The following CADPS2 variants were observed in gnomAD, a reference collection of about 807,000 sequenced individuals.
CADPS2 encodes the protein calcium dependent secretion activator 2.
In CADPS2, 93 loss-of-function variants were observed where a neutral mutation model predicts 172.5. That is an observed-to-expected ratio of 0.54 (90% confidence interval 0.46 to 0.64). The LOEUF is 0.64. CADPS2 is among the 30% of genes least tolerant of loss of function. CADPS2 has a pLI of 0.00. For missense variants in CADPS2, 1,420 were observed against 1,565.9 expected (o/e 0.91, Z 1.57); for synonymous variants, 546 against 555.2 (o/e 0.98, Z 0.23).
intron 2 of CADPS2, among the ~76,000 whole-genome samples, chr7:122,694,001 T>G (rs1159286203): frequency 6.6e-6 from 1 of 152,132 alleles, no homozygotes; most frequent in Non-Finnish European, 1.5e-5. Context: ...CTGAAGGATT[T>G]TTCAACAGAA....
At chr7:122,595,898 A>G (rs1202533463) in intron 6 of CADPS2, among the ~76,000 whole-genome samples, 1 of 152,054 alleles carries the variant, frequency 6.6e-6, no homozygotes, top group East Asian at 1.9e-4. Flanking sequence ...TGATGCATAG[A>G]GCAGAGGCAA....
At chr7:122,386,921 G>A in intron 24 of CADPS2, 105 bp downstream of exon 24, 4 of 1,160,280 alleles carry the variant, frequency 3.4e-6, no homozygotes, top group Non-Finnish European at 1.2e-6. Flanking sequence ...TGGTGCTAGA[G>A]AACTTGGTCT....
At chr7:122,338,114 C>T (rs926906781) in intron 28 of CADPS2, among the ~76,000 whole-genome samples, 6 of 152,178 alleles carry the variant, frequency 3.9e-5, no homozygotes. Context: ...TAAATTGCCT[C>T]AGCTGGGTAT....
intron 2 of CADPS2, among the ~76,000 whole-genome samples, chr7:122,669,260 G>T (rs928726594): frequency 1.3e-4 from 20 of 151,914 alleles, no homozygotes. Context: ...AATCCCAAAA[G>T]CTGGAGGTTG....
chr7:122,567,445 G>A (rs1037638714), intron 7 of CADPS2, among the ~76,000 whole-genome samples: 3 of 152,136 alleles, frequency 2.0e-5, no homozygotes, highest in African/African-American at 7.2e-5. Flanking sequence ...ACACATGCAG[G>A]ACACCCCTAC....
intron 2 of CADPS2, among the ~76,000 whole-genome samples, chr7:122,670,269 G>A (rs1361232913): frequency 6.6e-6 from 1 of 152,032 alleles, no homozygotes; most frequent in Non-Finnish European, 1.5e-5. Context: ...TGGCCTCTGA[G>A]GTCCCACTTC....
rs1563948451 is a variant in CADPS2 at position 122,645,393 on chromosome 7, G to GTGTATA, written c.787-16066_787-16065insTATACA. The stretch of plus-strand genomic sequence containing the variant: ...TATACACACATATGTACATGTGTGT[G>GTGTATA]TATATATGTACATATACACACATGT... On this transcript the variant is annotated intron_variant, in intron 3 of 29. Coordinates refer to ENST00000449022, the MANE Select transcript of CADPS2 (RefSeq NM_017954.11). 3.5e-4 allele frequency among the ~76,000 whole-genome samples: 19 copies of GTGTATA among 54,800 alleles called. 2 individuals carry two copies. Among genetic ancestry groups the GTGTATA allele is most frequent in the African/African-American group, 1.0e-3 (19 of 18,648 alleles). The allele number at this position is 54,800 out of a possible 152,430, so 36.0% of individuals were successfully genotyped here. A position where few individuals can be genotyped will look rare whatever the true frequency, so the allele number is the denominator to read the frequency against.
chr7:122,641,408 G>T lies in CADPS2; in HGVS notation c.787-12080C>A, dbSNP rs573141336. Among the ~76,000 whole-genome samples the T allele has an allele frequency of 2.0e-5, 3 of 152,246 alleles. 1 individual carries two copies. The South Asian group carries it at 6.2e-4, about 32-fold the overall frequency. ...GAATTCTCTCGGTTAGGGAATTCTT[G>T]AATTGGACCTTTGGAAGTCTGTAAA... On this transcript the variant is annotated intron_variant, in intron 3 of 29. Coordinates refer to ENST00000449022, the MANE Select transcript of CADPS2 (RefSeq NM_017954.11).
intron 8 of CADPS2, among the ~76,000 whole-genome samples, chr7:122,516,731 CA>C (rs1426167636): frequency 1.3e-5 from 2 of 151,992 alleles, no homozygotes; most frequent in East Asian, 3.9e-4. Context: ...AGCAGTCATA[CA>C]AATTCATATT....
intron 9 of CADPS2, among the ~76,000 whole-genome samples, chr7:122,503,836 G>A (rs767428572): frequency 6.6e-6 from 1 of 152,140 alleles, no homozygotes; most frequent in Non-Finnish European, 1.5e-5. Flanking sequence ...CCATCTCATA[G>A]AGTGAGAATG....
At chr7:122,525,690 C>T (rs956664890) in intron 8 of CADPS2, among the ~76,000 whole-genome samples, 14 of 152,222 alleles carry the variant, frequency 9.2e-5, no homozygotes, top group African/African-American at 2.6e-4. Flanking sequence ...AGTAGACTTA[C>T]GTAAACCCAG....
Position 122,708,843 on chromosome 7 carries a change from C to T in CADPS2, c.453+28112G>A, listed in dbSNP as rs1057165925. ...TCATTATTACTACTCTGGGAAGTAACGGGGGGAAAAATTCACATTGTAGTC... is the reference window on the plus strand; with the variant it reads ...TCATTATTACTACTCTGGGAAGTAATGGGGGGAAAAATTCACATTGTAGTC... On this transcript the variant is annotated intron_variant, in intron 2 of 29. Coordinates refer to ENST00000449022, the MANE Select transcript of CADPS2 (RefSeq NM_017954.11). Among the ~76,000 whole-genome samples, 9 of 151,480 alleles carry T rather than the reference C, an allele frequency of 5.9e-5. No homozygotes were observed. The South Asian group carries it at 6.3e-4, about 11-fold the overall frequency.
At chr7:122,556,297 A>G (rs1386335654) in intron 7 of CADPS2, among the ~76,000 whole-genome samples, 1 of 152,008 alleles carries the variant, frequency 6.6e-6, no homozygotes, top group African/African-American at 2.4e-5. Context: ...TATTCCAAAA[A>G]AGAATAAAAG....
intron 22 of CADPS2, among the ~76,000 whole-genome samples, chr7:122,391,695 C>G (rs939216052): frequency 6.6e-6 from 1 of 152,112 alleles, no homozygotes; most frequent in Admixed American, 6.5e-5. Flanking sequence ...TGATGTTAAA[C>G]TTGGAGAAAT....
chr7:122,839,980 CAT>C (rs1260814973), intron 1 of CADPS2, among the ~76,000 whole-genome samples: 2 of 152,188 alleles, frequency 1.3e-5, no homozygotes, highest in Admixed American at 1.3e-4. Flanking sequence ...GACATGCACA[CAT>C]ATGTTTATTG....
At chr7:122,541,773 A>G (rs1000317811) in intron 8 of CADPS2, among the ~76,000 whole-genome samples, 280 of 142,770 alleles carry the variant, frequency 2.0e-3, no homozygotes, top group African/African-American at 6.4e-3. Context: ...TTATATATTC[A>G]CATATATTCA....
intron 8 of CADPS2, among the ~76,000 whole-genome samples, chr7:122,550,992 C>T (rs1321516522): frequency 1.3e-5 from 2 of 152,014 alleles, no homozygotes; most frequent in Non-Finnish European, 2.9e-5. Flanking sequence ...CATAGTTATG[C>T]TTATTTGATC....
intron 2 of CADPS2, among the ~76,000 whole-genome samples, chr7:122,700,901 C>G (rs146536276): frequency 1.3e-5 from 2 of 152,106 alleles, no homozygotes; most frequent in East Asian, 3.9e-4. Context: ...CTTTTCCTTA[C>G]ATATCCAAAG....
intron 2 of CADPS2, among the ~76,000 whole-genome samples, chr7:122,725,401 G>A (rs938980026): frequency 6.6e-6 from 1 of 151,736 alleles, no homozygotes; most frequent in African/African-American, 2.4e-5. Context: ...ATGGATGGAT[G>A]GATGGATAGA....
Sources: gnomAD v4.1 joint callset for allele counts (sites outside exome capture counted in the v4.1 genomes callset) on GRCh38, gnomAD v4.1.1 for gene constraint, MANE v1.5 for transcripts, NCBI Gene and HGNC (gene_info 2026-07-23, HGNC 2026-07-21) for gene names.